The following MAGI1 variants were observed in gnomAD, a reference collection of about 807,000 sequenced individuals.
MAGI1 encodes the protein membrane associated guanylate kinase, WW and PDZ domain containing 1.
Under a neutral mutation model 139.9 loss-of-function variants are expected in MAGI1, and 58 were observed. The ratio of observed to expected loss-of-function variants is 0.41; its 90% CI spans 0.34 to 0.52. The LOEUF is 0.52. MAGI1 is among the 20% of genes least tolerant of loss of function. The pLI is 0.12. For synonymous variants in MAGI1, 812 were observed against 737.9 expected (o/e 1.10, Z -1.63); for missense variants, 1,874 against 1,901.6 (o/e 0.99, Z 0.27).
At chr3:65,736,574 G>T (rs1280040275) in intron 1 of MAGI1, among the ~76,000 whole-genome samples, 1 of 152,104 alleles carries the variant, frequency 6.6e-6, no homozygotes, top group Non-Finnish European at 1.5e-5. Flanking sequence ...CCTGGGGTGG[G>T]TAAGGGCAGC....
intron 1 of MAGI1, among the ~76,000 whole-genome samples, chr3:65,649,669 A>C (rs1399778377): frequency 1.3e-5 from 2 of 152,240 alleles, no homozygotes; most frequent in Admixed American, 1.3e-4. Context: ...AAATAACCCA[A>C]GAAGAAAATA....
At chr3:65,866,820 T>C (rs1485769392) in intron 1 of MAGI1, among the ~76,000 whole-genome samples, 2 of 151,990 alleles carry the variant, frequency 1.3e-5, no homozygotes, top group Admixed American at 1.3e-4. Flanking sequence ...ACATAACTTG[T>C]GGTCCCTTAC....
At chr3:66,016,085 A>G (rs2067622303) in intron 1 of MAGI1, among the ~76,000 whole-genome samples, 1 of 152,238 alleles carries the variant, frequency 6.6e-6, no homozygotes, top group South Asian at 2.1e-4. Flanking sequence ...CAGAGTGTTA[A>G]AACAGAAGTG....
chr3:65,501,721 A>C (rs1172807525), intron 2 of MAGI1, among the ~76,000 whole-genome samples: 1 of 152,172 alleles, frequency 6.6e-6, no homozygotes, highest in African/African-American at 2.4e-5. Flanking sequence ...CCCCAGAGAA[A>C]TGAAAACATA....
At position 65,429,845 on chromosome 3, in the gene MAGI1, C is replaced by T. The variant is rs374829436; in HGVS notation, c.1842G>A (p.Ala614=). Residue 614 remains alanine (A), a synonymous_variant, in exon 12 of 23, where the codon GCG becomes GCA. Transcript: ENST00000402939. ...GMKDARPSSP[A]DVASNSSHGY... is the part of the protein sequence containing the mutation. ...CATGAGAACTATTTGAAGCCACGTCCGCTGGGCTGCTTGGCCTGGCATCCT... is the reference window on the plus strand; with the variant it reads ...CATGAGAACTATTTGAAGCCACGTCTGCTGGGCTGCTTGGCCTGGCATCCT... The T allele has an allele frequency of 1.5e-5, 24 of 1,613,980 alleles. No individual in the cohort carries two copies. The highest frequency in any genetic ancestry group is 7.7e-5 in the South Asian group (7 of 91,074).
chr3:65,579,859 A>AC (rs2081338424), intron 2 of MAGI1, among the ~76,000 whole-genome samples: 1 of 151,826 alleles, frequency 6.6e-6, no homozygotes. Context: ...AAAAAAAAAA[A>AC]AAACTCGCTC....
chr3:65,805,080 T>C (rs915047525), intron 1 of MAGI1, among the ~76,000 whole-genome samples: 1 of 151,910 alleles, frequency 6.6e-6, no homozygotes, highest in Non-Finnish European at 1.5e-5. Flanking sequence ...AACCAAAAAT[T>C]GACAAATGGG....
At chr3:65,508,494 C>A (rs1378066891) in intron 2 of MAGI1, among the ~76,000 whole-genome samples, 2 of 152,116 alleles carry the variant, frequency 1.3e-5, no homozygotes, top group African/African-American at 4.8e-5. Context: ...AGACAATAGT[C>A]TTTAAATAGA....
At chr3:65,851,020 T>C (rs878857089) in intron 1 of MAGI1, among the ~76,000 whole-genome samples, 1 of 151,978 alleles carries the variant, frequency 6.6e-6, no homozygotes, top group Non-Finnish European at 1.5e-5. Context: ...AGCAGGAGAA[T>C]TGCTTCAACC....
At chr3:65,759,324 G>A (rs928620313) in intron 1 of MAGI1, among the ~76,000 whole-genome samples, 2 of 152,148 alleles carry the variant, frequency 1.3e-5, no homozygotes, top group Admixed American at 6.5e-5. Context: ...CTAAGTGCCA[G>A]TCTCCTTATC....
Position 65,452,576 on chromosome 3 carries a change from T to C in MAGI1, c.1042+682A>G, listed in dbSNP as rs538242091. 6.9e-5 allele frequency: 6 copies of C among 87,472 alleles called. No individual in the cohort carries two copies. The South Asian group carries it at 3.2e-3, about 46-fold the overall frequency. The allele number at this position is 87,472 out of a possible 1,614,324, so 5.4% of individuals were successfully genotyped here. A position where few individuals can be genotyped will look rare whatever the true frequency, so the allele number is the denominator to read the frequency against. On this transcript the variant is annotated intron_variant, in intron 6 of 22. Transcript: ENST00000402939. ...ACTGAAAAGGGACACACTAGCTCTG[T>C]TTCAATTTTTTTTTTTTTTCATTTT...
At chr3:65,743,709 CAA>C (rs879491150) in intron 1 of MAGI1, among the ~76,000 whole-genome samples, 4 of 130,332 alleles carry the variant, frequency 3.1e-5, no homozygotes, top group Non-Finnish European at 1.7e-5. Context: ...GACTCCATCT[CAA>C]AAAAAAAAAA....
intron 1 of MAGI1, among the ~76,000 whole-genome samples, chr3:65,809,033 G>C (rs569214323): frequency 7.6e-4 from 115 of 152,298 alleles, no homozygotes; most frequent in Admixed American, 2.5e-3. Flanking sequence ...TTTAATCTGA[G>C]AGAAATATTT....
intron 1 of MAGI1, among the ~76,000 whole-genome samples, chr3:65,943,008 G>C (rs375035410): frequency 6.6e-6 from 1 of 152,108 alleles, no homozygotes; most frequent in African/African-American, 2.4e-5. Flanking sequence ...GTGGTGGAGG[G>C]AGACTCTGTC....
At chr3:65,820,712 T>TACA (rs1459968920) in intron 1 of MAGI1, among the ~76,000 whole-genome samples, 1 of 152,148 alleles carries the variant, frequency 6.6e-6, no homozygotes, top group East Asian at 1.9e-4. Context: ...AGGACTCTGT[T>TACA]GTCTTAAGTA....
chr3:65,698,060 A>ACCAATAC (rs2089340018), intron 1 of MAGI1, among the ~76,000 whole-genome samples: 1 of 98,588 alleles, frequency 1.0e-5, no homozygotes, highest in Non-Finnish European at 2.0e-5. Flanking sequence ...CAAAAATCAC[A>ACCAATAC]AGCATTCTTA....
In MAGI1 at chr3:65,787,976, G is replaced by C. The variant is rs142486742; in HGVS notation, c.314-165888C>G. On this transcript the variant is annotated intron_variant, in intron 1 of 22. Coordinates refer to ENST00000402939, the MANE Select transcript of MAGI1 (RefSeq NM_001033057.2). The stretch of plus-strand genomic sequence containing the variant: ...TCAAGAAAAAAGTTTATTTAGTCTT[G>C]ATCCTTAGGGAGTCATCCCTGCAAT... Among the ~76,000 whole-genome samples, 839 of 152,270 alleles carry C rather than the reference G, an allele frequency of 5.5e-3. 4 individuals carry two copies. Among genetic ancestry groups the C allele is most frequent in the Non-Finnish European group, 4.6e-3 (315 of 68,024 alleles).
chr3:65,916,195 A>C (rs11720861), intron 1 of MAGI1, among the ~76,000 whole-genome samples: 2,897 of 152,104 alleles, frequency 0.019, 49 homozygotes, highest in Non-Finnish European at 0.031. Context: ...ACCTCCCAAG[A>C]AGCTGGGATT....
At chr3:65,963,064 C>T (rs534549574) in intron 1 of MAGI1, among the ~76,000 whole-genome samples, 47 of 150,138 alleles carry the variant, frequency 3.1e-4, no homozygotes, top group Admixed American at 5.3e-4. Context: ...GGCGCAGTGG[C>T]TCACGTCTGT....
Sources: allele counts gnomAD v4.1 joint callset (sites outside exome capture counted in the v4.1 genomes callset), GRCh38; gene constraint gnomAD v4.1.1; transcripts MANE v1.5; gene names NCBI Gene and HGNC (gene_info 2026-07-23, HGNC 2026-07-21).